SBF2: variants seen among roughly 807,000 people sequenced by gnomAD.
The protein encoded by SBF2 is SET binding factor 2.
Under a neutral mutation model 225.2 loss-of-function variants are expected in SBF2, and 112 were observed. The observed-to-expected ratio is 0.50, with a 90% CI of 0.43 to 0.58. The LOEUF (loss-of-function observed/expected upper bound fraction) is 0.58, where lower values mean the gene tolerates loss of function less well. Among genes scored for constraint, SBF2 ranks in the 20% least tolerant of loss-of-function variants. The pLI is 0.00. For synonymous variants in SBF2, 763 were observed against 773.3 expected, an observed-to-expected ratio of 0.99 and a Z score of 0.22; for missense variants, 1,996 against 2,206.2, an observed-to-expected ratio of 0.90 and a Z score of 1.91.
chr11:10,142,588 T>A (rs532028298), intron 2 of SBF2, among the ~76,000 whole-genome samples: 69 of 152,322 alleles, frequency 4.5e-4, no homozygotes, highest in Middle Eastern at 3.4e-3. Flanking sequence ...AGAAATGGCT[T>A]CTGATATATG....
intron 13 of SBF2, among the ~76,000 whole-genome samples, chr11:9,973,268 G>A (rs16907324): frequency 0.016 from 2,391 of 152,230 alleles, 44 homozygotes; most frequent in African/African-American, 0.042. Flanking sequence ...TCCCTTGAAC[G>A]TCACCAAGCT....
intron 3 of SBF2, among the ~76,000 whole-genome samples, chr11:10,033,364 A>G (rs1257147575): frequency 6.6e-6 from 1 of 152,128 alleles, no homozygotes; most frequent in Non-Finnish European, 1.5e-5. Context: ...CCAAAACACA[A>G]AATAGAATGC....
At chr11:9,938,075 C>T (rs12288038) in intron 16 of SBF2, among the ~76,000 whole-genome samples, 10 of 151,614 alleles carry the variant, frequency 6.6e-5, no homozygotes, top group South Asian at 6.2e-4. Context: ...GCGGATCACG[C>T]GGTCAGGAGA....
At chr11:10,041,750 C>T (rs1410069167) in intron 3 of SBF2, among the ~76,000 whole-genome samples, 1 of 149,662 alleles carries the variant, frequency 6.7e-6, no homozygotes. Flanking sequence ...CTACCAAATA[C>T]TCCTTTGTTA....
At chr11:9,790,791 T>A in intron 33 of SBF2, 108 bp from the exon 34 acceptor site, 1 of 830,922 alleles carries the variant, frequency 1.2e-6, no homozygotes, top group Non-Finnish European at 2.0e-6. Flanking sequence ...TTTATGGCTT[T>A]AAAAACAGCA....
rs1049237902 is a variant in SBF2 at position 10,178,153 on chromosome 11, A to G, written c.141+15749T>C. On this transcript the variant is annotated intron_variant, in intron 2 of 39. Transcript: ENST00000256190. ...CTGGCTAGCCATATGTAGAAAGCTGAAACTGGATCCCTTCCTTACACCTTA... is the reference window on the plus strand; with the variant it reads ...CTGGCTAGCCATATGTAGAAAGCTGGAACTGGATCCCTTCCTTACACCTTA... 1.4e-4 allele frequency among the ~76,000 whole-genome samples: 20 copies of G among 147,488 alleles called. 1 individual carries two copies. The highest frequency in any genetic ancestry group is 5.0e-4 in the African/African-American group (20 of 39,610).
At chr11:9,793,193 G>A (rs1240824031) in intron 33 of SBF2, among the ~76,000 whole-genome samples, 1 of 151,992 alleles carries the variant, frequency 6.6e-6, no homozygotes, top group East Asian at 1.9e-4. Flanking sequence ...CCGCATCATT[G>A]TATTTAATCT....
At chr11:10,286,097 G>A (rs951325706) in intron 1 of SBF2, among the ~76,000 whole-genome samples, 18 of 151,510 alleles carry the variant, frequency 1.2e-4, no homozygotes, top group African/African-American at 4.1e-4. Context: ...CATAGTGATG[G>A]GATTACAGGC....
chr11:10,169,621 A>G (rs1353288538), intron 2 of SBF2, among the ~76,000 whole-genome samples: 2 of 152,176 alleles, frequency 1.3e-5, no homozygotes, highest in African/African-American at 4.8e-5. Context: ...GCCATTGTGA[A>G]TAGTGTTGCA....
chr11:10,252,108 A>T (rs1041753959), intron 1 of SBF2, among the ~76,000 whole-genome samples: 1 of 152,268 alleles, frequency 6.6e-6, no homozygotes, highest in Non-Finnish European at 1.5e-5. Context: ...TGCCTCCTGT[A>T]AACAGGATGT....
intron 1 of SBF2, among the ~76,000 whole-genome samples, chr11:10,230,584 G>A (rs1245103649): frequency 6.6e-6 from 1 of 152,144 alleles, no homozygotes; most frequent in African/African-American, 2.4e-5. Flanking sequence ...TAGTTTGGCT[G>A]GATATGAAAT....
intron 33 of SBF2, among the ~76,000 whole-genome samples, chr11:9,795,007 C>T (rs1358726134): frequency 7.9e-5 from 12 of 152,118 alleles, no homozygotes. Context: ...TAAGAGTCCT[C>T]TTTGTGGTAC....
chr11:9,887,866 T>C (rs11826186), intron 17 of SBF2, among the ~76,000 whole-genome samples: 23 of 152,138 alleles, frequency 1.5e-4, no homozygotes, highest in African/African-American at 4.6e-4. Flanking sequence ...GGAAATGCGA[T>C]GTATCCAGAT....
chr11:10,252,921 AT>A (rs1960511055), intron 1 of SBF2, among the ~76,000 whole-genome samples: 2 of 151,992 alleles, frequency 1.3e-5, no homozygotes, highest in East Asian at 3.9e-4. Flanking sequence ...GTCATTTCCC[AT>A]TTTTTGTCTA....
At position 9,916,140 on chromosome 11, in the gene SBF2, A is replaced by G. The variant is rs531620606; in HGVS notation, c.1861-20129T>C. Among the ~76,000 whole-genome samples the G allele has an allele frequency of 1.2e-3, 187 of 152,312 alleles. 1 individual carries two copies. Among genetic ancestry groups the G allele is most frequent in the African/African-American group, 4.2e-3 (176 of 41,572 alleles). ...TATGAGCTATCATAATGTTGCCTTT[A>G]TAATACTAGCAAAGATAAACTAATC... On this transcript the variant is annotated intron_variant, in intron 16 of 39. Transcript: ENST00000256190.
intron 13 of SBF2, among the ~76,000 whole-genome samples, chr11:9,983,796 G>T (rs2134442452): frequency 6.6e-6 from 1 of 152,296 alleles, no homozygotes; most frequent in East Asian, 1.9e-4. Flanking sequence ...GAGCCAGGGA[G>T]ACTCGCTGGG....
chr11:9,785,033 C>T, intron 37 of SBF2, 92 bp downstream of exon 37: 1 of 1,074,542 alleles, frequency 9.3e-7, no homozygotes, highest in African/African-American at 1.5e-5. Context: ...AAAGGCTGTA[C>T]TGCACAGGCC....
intron 28 of SBF2, chr11:9,819,128 A>G (rs970881535): frequency 6.6e-6 from 1 of 152,238 alleles, no homozygotes; most frequent in South Asian, 2.1e-4. Context: ...ATGAGAATAA[A>G]GGATATAATT....
At chr11:10,000,459 C>T (rs1947909384) in intron 8 of SBF2, among the ~76,000 whole-genome samples, 1 of 152,132 alleles carries the variant, frequency 6.6e-6, no homozygotes, top group Admixed American at 6.5e-5. Flanking sequence ...ATTCATATGG[C>T]ATTAAGAATA....
Sources: allele counts gnomAD v4.1 joint callset (sites outside exome capture counted in the v4.1 genomes callset), GRCh38; gene constraint gnomAD v4.1.1; transcripts MANE v1.5; gene names NCBI Gene and HGNC (gene_info 2026-07-23, HGNC 2026-07-21).